PIK3CA: variants seen among roughly 807,000 people sequenced by gnomAD.
PIK3CA encodes the protein phosphatidylinositol 4,5-bisphosphate 3-kinase catalytic subunit alpha isoform.
In PIK3CA, 27 loss-of-function variants were observed where a neutral mutation model predicts 138.2. That is an observed-to-expected ratio of 0.20 (90% CI 0.14 to 0.27). The LOEUF is 0.27. Among genes scored for constraint, PIK3CA ranks in the 10% least tolerant of loss-of-function variants. The pLI is 1.00. For missense variants in PIK3CA, 544 were observed against 1,277.4 expected (o/e 0.43, Z 8.75); for synonymous variants, 358 against 413.2 (o/e 0.87, Z 1.62).
intron 1 of PIK3CA, among the ~76,000 whole-genome samples, chr3:179,182,041 C>T (rs899858763): frequency 3.9e-5 from 6 of 152,184 alleles, no homozygotes; most frequent in African/African-American, 1.4e-4. Flanking sequence ...TCTCTTCAGT[C>T]GTTCCCTTTC....
At chr3:179,231,128 G>C (rs1010556060) in intron 20 of PIK3CA, among the ~76,000 whole-genome samples, 7 of 152,140 alleles carry the variant, frequency 4.6e-5, no homozygotes, top group African/African-American at 1.7e-4. Context: ...TGCTGCAAAA[G>C]ACATTATTTC....
intron 4 of PIK3CA, among the ~76,000 whole-genome samples, chr3:179,202,375 C>T (rs1453367733): frequency 1.3e-5 from 2 of 152,112 alleles, no homozygotes; most frequent in African/African-American, 2.4e-5. Context: ...CAGCCTATTT[C>T]GTGATTTTTA....
rs1354063912 is a variant in PIK3CA at position 179,230,754 on chromosome 3, A to C, written c.2936+378A>C. ...GGGCAACAGAGTGAGACCCTGTATC[A>C]AAATAAATAAAATGAAATAATAGAA... On this transcript the variant is annotated intron_variant, in intron 20 of 20. Coordinates refer to ENST00000263967, the MANE Select transcript of PIK3CA (RefSeq NM_006218.4). The surrounding 1 kb of genome is among the most constrained non-coding windows in gnomAD (Gnocchi z 5.4). 6.6e-6 allele frequency among the ~76,000 whole-genome samples: 1 copy of C among 152,198 alleles called. No homozygotes were observed. The highest frequency in any genetic ancestry group is 2.4e-5 in the African/African-American group (1 of 41,456).
At chr3:179,185,576 C>T (rs1316508142) in intron 1 of PIK3CA, among the ~76,000 whole-genome samples, 3 of 152,176 alleles carry the variant, frequency 2.0e-5, no homozygotes, top group Non-Finnish European at 4.4e-5. Flanking sequence ...ATTGAGGGCT[C>T]AGTCACAAGA....
At chr3:179,166,839 T>G (rs1332702060) in intron 1 of PIK3CA, among the ~76,000 whole-genome samples, 1 of 152,102 alleles carries the variant, frequency 6.6e-6, no homozygotes, top group Non-Finnish European at 1.5e-5. Context: ...GCTGCAAAAT[T>G]CAGATCCAGT....
chr3:179,197,227 CG>C (rs1724289470), intron 1 of PIK3CA, among the ~76,000 whole-genome samples: 1 of 151,912 alleles, frequency 6.6e-6, no homozygotes, highest in South Asian at 2.1e-4. Context: ...TTAGTAGAGA[CG>C]GGGTTTCACC....
intron 16 of PIK3CA, 49 bp from the exon 17 acceptor site, chr3:179,225,913 A>G (rs764277338): frequency 3.2e-6 from 3 of 938,068 alleles, no homozygotes; most frequent in South Asian, 1.4e-5. Context: ...GTGATCCCCA[A>G]ATTTGCATCT....
chr3:179,174,020 G>C (rs140090721), intron 1 of PIK3CA, among the ~76,000 whole-genome samples: 1 of 151,958 alleles, frequency 6.6e-6, no homozygotes, highest in South Asian at 2.1e-4. Flanking sequence ...GACCCATTGC[G>C]CCCGGCCCGG....
chr3:179,173,033 A>G (rs1281275671), intron 1 of PIK3CA, among the ~76,000 whole-genome samples: 1 of 152,126 alleles, frequency 6.6e-6, no homozygotes, highest in East Asian at 1.9e-4. Context: ...TTTTTCAATT[A>G]ATTTCTTATT....
chr3:179,209,565 G>A lies in PIK3CA; in HGVS notation c.1146-30G>A, dbSNP rs8192676. On this transcript the variant is annotated intron_variant, in intron 6 of 20. Transcript: ENST00000263967. ...TACTTTGATGAAGACTTTTCTTGAT[G>A]TATTATTTTTGCTTTAAAATTTTAC... is the stretch of plus-strand genomic sequence containing the variant. 4.3e-3 allele frequency: 5,645 copies of A among 1,320,152 alleles called. 17 individuals carry two copies. Among genetic ancestry groups the A allele is most frequent in the Non-Finnish European group, 5.2e-3 (4,769 of 923,922 alleles). The allele number at this position is 1,320,152 out of a possible 1,614,324, so 81.8% of individuals were successfully genotyped here.
chr3:179,157,009 A>G, intron 1 of PIK3CA, among the ~76,000 whole-genome samples: 1 of 152,186 alleles, frequency 6.6e-6, no homozygotes, highest in Non-Finnish European at 1.5e-5. Context: ...ATATAGATTT[A>G]TGGAGTATAT....
intron 1 of PIK3CA, among the ~76,000 whole-genome samples, chr3:179,190,640 TTCTC>T (rs150361783): frequency 2.8e-4 from 42 of 151,806 alleles, no homozygotes; most frequent in African/African-American, 9.4e-4. Flanking sequence ...AGCTTTTTTT[TTCTC>T]TCTCTCTCTC....
chr3:179,220,090 C>T lies in PIK3CA; in HGVS notation c.2015+38C>T, dbSNP rs766983196. ...ATTTTCCCATTAAATTCTTAAGGTA[C>T]ATATTACTTGCTTTCTTAATAGATT... On this transcript the variant is annotated intron_variant, in intron 13 of 20. Transcript: ENST00000263967. This position sits in a 1 kb window ranked among gnomAD's most constrained non-coding sequence, Gnocchi z 4.1. 5.1e-6 allele frequency: 7 copies of T among 1,359,708 alleles called. No homozygotes were observed. The South Asian group carries it at 6.7e-5, about 13-fold the overall frequency. 84.2% of individuals were successfully genotyped at this position (1,359,708 alleles called of 1,614,324 possible). A position where few individuals can be genotyped will look rare whatever the true frequency, so the allele number is the denominator to read the frequency against.
chr3:179,161,668 G>A (rs1325921816), intron 1 of PIK3CA, among the ~76,000 whole-genome samples: 1 of 152,202 alleles, frequency 6.6e-6, no homozygotes, highest in Admixed American at 6.5e-5. Context: ...CTGCACTCCA[G>A]CCTGGGTGAC....
Position 179,238,698 on chromosome 3 carries a change from C to A in PIK3CA, c.*4334C>A, listed in dbSNP as rs1340040143. ...AGTTTGAGGAGGTTCCCGAATTCGG[C>A]ATTTGAAATTCATTTTGTTCTCTCT... On this transcript the variant is annotated 3_prime_UTR_variant, in exon 21 of 21. Transcript: ENST00000263967. 4 of 226,856 alleles carry A rather than the reference C, an allele frequency of 1.8e-5. No individual in the cohort carries two copies. The highest frequency in any genetic ancestry group is 6.7e-5 in the African/African-American group (3 of 44,974). The allele number at this position is 226,856 out of a possible 1,614,324, so 14.1% of individuals were successfully genotyped here.
At chr3:179,201,239 T>C in intron 3 of PIK3CA, 51 bp from the exon 4 acceptor site, 1 of 1,510,282 alleles carries the variant, frequency 6.6e-7, no homozygotes, top group Non-Finnish European at 9.0e-7. Context: ...AATTTCTCCC[T>C]TGAAAAATGA....
intron 9 of PIK3CA, among the ~76,000 whole-genome samples, chr3:179,215,574 A>G (rs1337119797): frequency 6.6e-6 from 1 of 152,056 alleles, no homozygotes; most frequent in African/African-American, 2.4e-5. Context: ...GCCTAGAAGG[A>G]CAATAAAATA....
rs2108409510 is a variant in PIK3CA at position 179,219,147 on chromosome 3, T to C, written c.1665-49T>C. The C allele has an allele frequency of 8.7e-7, 1 of 1,154,810 alleles. No individual in the cohort carries two copies. The highest frequency in any genetic ancestry group is 1.3e-6 in the Non-Finnish European group (1 of 769,986). 71.5% of individuals were successfully genotyped at this position (1,154,810 alleles called of 1,614,324 possible). ...TGGAGAAGTTAGACATGTCAACCTT[T>C]TGAACAGCATGCAAGAATGTTTATG... On this transcript the variant is annotated intron_variant, in intron 10 of 20. Transcript: ENST00000263967. This position sits in a 1 kb window ranked among gnomAD's most constrained non-coding sequence, Gnocchi z 4.2.
intron 14 of PIK3CA, among the ~76,000 whole-genome samples, chr3:179,222,637 G>A (rs1560146502): frequency 6.6e-6 from 1 of 152,198 alleles, no homozygotes; most frequent in Non-Finnish European, 1.5e-5. Context: ...GTACGCTGTA[G>A]ACTATTGGTC....
Sources: allele counts gnomAD v4.1 joint callset (sites outside exome capture counted in the v4.1 genomes callset), GRCh38; gene constraint gnomAD v4.1.1; non-coding constraint Gnocchi (gnomAD v3.1); transcripts MANE v1.5; gene names NCBI Gene and HGNC (gene_info 2026-07-23, HGNC 2026-07-21).